WWOX: variants seen among roughly 807,000 people sequenced by gnomAD.
WWOX encodes WW domain-containing oxidoreductase.
Under a neutral mutation model 46.2 loss-of-function variants are expected in WWOX, and 69 were observed. The ratio of observed to expected loss-of-function variants is 1.49; its 90% CI spans 1.23 to 1.82. WWOX has a LOEUF of 1.82. Ranked by LOEUF, WWOX falls within the 40% of genes most tolerant of loss-of-function variation. The pLI is 0.00. For synonymous variants in WWOX, 359 were observed against 202.6 expected, an observed-to-expected ratio of 1.77 and a Z score of -6.56; for missense variants, 919 against 542.6, an observed-to-expected ratio of 1.69 and a Z score of -6.89.
intron 8 of WWOX, among the ~76,000 whole-genome samples, chr16:79,152,583 A>G (rs2050302144): frequency 1.3e-5 from 2 of 151,870 alleles, no homozygotes. Flanking sequence ...AGGCAGGAGA[A>G]TCGCTTGAAC....
intron 8 of WWOX, among the ~76,000 whole-genome samples, chr16:78,712,996 G>C (rs72799073): frequency 1.3e-5 from 2 of 152,066 alleles, no homozygotes; most frequent in African/African-American, 4.8e-5. Flanking sequence ...CAGGCCTGGT[G>C]TAGTGGCTCA....
At chr16:78,285,998 C>T (rs1169674866) in intron 5 of WWOX, among the ~76,000 whole-genome samples, 1 of 152,176 alleles carries the variant, frequency 6.6e-6, no homozygotes, top group Admixed American at 6.5e-5. Flanking sequence ...CGTCTCTGCC[C>T]ACTCTTTTGC....
chr16:78,832,673 C>T (rs1385560895), intron 8 of WWOX, among the ~76,000 whole-genome samples: 2 of 152,102 alleles, frequency 1.3e-5, no homozygotes, highest in Non-Finnish European at 2.9e-5. Flanking sequence ...AATCCATGTC[C>T]TGTGGTGGCC....
chr16:78,370,984 T>TC (rs2081668129), intron 5 of WWOX, among the ~76,000 whole-genome samples: 1 of 150,808 alleles, frequency 6.6e-6, no homozygotes, highest in African/African-American at 2.4e-5. Context: ...TGATTTCTTT[T>TC]TTTTTTTTTT....
intron 8 of WWOX, among the ~76,000 whole-genome samples, chr16:78,682,437 G>A (rs187782562): frequency 1.3e-5 from 2 of 152,080 alleles, no homozygotes; most frequent in African/African-American, 2.4e-5. Flanking sequence ...TCCTTTAGCC[G>A]GGTCTGGTGG....
chr16:79,120,027 C>T (rs925448104), intron 8 of WWOX, among the ~76,000 whole-genome samples: 2 of 152,080 alleles, frequency 1.3e-5, no homozygotes, highest in East Asian at 1.9e-4. Flanking sequence ...GCCCAGTGGC[C>T]GTGGCCTGGG....
chr16:78,417,000 G>T (rs2082812222), intron 6 of WWOX, among the ~76,000 whole-genome samples: 1 of 150,778 alleles, frequency 6.6e-6, no homozygotes, highest in Admixed American at 6.6e-5. Context: ...TAAGACAGAA[G>T]GTATTGTGCA....
At chr16:78,852,534 T>G (rs2052472346) in intron 8 of WWOX, among the ~76,000 whole-genome samples, 1 of 152,108 alleles carries the variant, frequency 6.6e-6, no homozygotes, top group South Asian at 2.1e-4. Context: ...CCCTTTAAAC[T>G]TTTGGATGAC....
At chr16:78,751,653 C>T (rs1031414075) in intron 8 of WWOX, among the ~76,000 whole-genome samples, 2 of 151,332 alleles carry the variant, frequency 1.3e-5, no homozygotes, top group Non-Finnish European at 1.5e-5. Flanking sequence ...TGATATTAAA[C>T]AATACTCCAA....
At chr16:78,675,867 A>G (rs2047585981) in intron 8 of WWOX, among the ~76,000 whole-genome samples, 1 of 152,136 alleles carries the variant, frequency 6.6e-6, no homozygotes, top group Non-Finnish European at 1.5e-5. Flanking sequence ...TTTTCTGATC[A>G]TACCTGTGGC....
chr16:79,104,041 G>GGA (rs1555528235), intron 8 of WWOX, among the ~76,000 whole-genome samples: 1 of 65,482 alleles, frequency 1.5e-5, no homozygotes, highest in Non-Finnish European at 2.8e-5. Flanking sequence ...CTTTTTTGGG[G>GGA]GGGGGGGGGC....
At chr16:79,081,953 A>G (rs1311880437) in intron 8 of WWOX, among the ~76,000 whole-genome samples, 2 of 152,282 alleles carry the variant, frequency 1.3e-5, no homozygotes, top group East Asian at 3.9e-4. Context: ...CTTAACTGCA[A>G]AGGGGTGGTT....
intron 8 of WWOX, among the ~76,000 whole-genome samples, chr16:78,712,500 T>TA (rs558436380): frequency 0.024 from 3,347 of 138,572 alleles, 49 homozygotes; most frequent in South Asian, 0.042. Context: ...GACTCCATCT[T>TA]AAAAAAAAAA....
rs543680700 is a variant in WWOX, at chr16:78,391,565, T to C, written c.605+4617T>C. On this transcript the variant is annotated intron_variant, in intron 6 of 8. Transcript: ENST00000566780. ...TGTATTGCCGAGTAAGAAATGACTC[T>C]GGCCAGGCACGGTGGCTCACACATG... Among the ~76,000 whole-genome samples the C allele has an allele frequency of 4.9e-4, 75 of 152,316 alleles. 2 individuals are homozygous for C. Among genetic ancestry groups the C allele is most frequent in the South Asian group, 8.3e-4 (4 of 4,830 alleles).
intron 8 of WWOX, among the ~76,000 whole-genome samples, chr16:78,590,314 C>T (rs1019038353): frequency 6.6e-6 from 1 of 152,060 alleles, no homozygotes; most frequent in Non-Finnish European, 1.5e-5. Context: ...GTTGCTGTGT[C>T]CTTATTTGGT....
chr16:78,133,712 TA>T (rs2033688814), intron 4 of WWOX, among the ~76,000 whole-genome samples: 1 of 152,180 alleles, frequency 6.6e-6, no homozygotes, highest in African/African-American at 2.4e-5. Flanking sequence ...AATTTCAAAT[TA>T]ACCCCTGAGG....
At chr16:78,295,680 C>T (rs1047019124) in intron 5 of WWOX, among the ~76,000 whole-genome samples, 2 of 152,036 alleles carry the variant, frequency 1.3e-5, no homozygotes, top group African/African-American at 2.4e-5. Flanking sequence ...CACTGGACTC[C>T]GGCCTGGGTG....
At chr16:79,183,463 A>T (rs1312291237) in intron 8 of WWOX, among the ~76,000 whole-genome samples, 1 of 152,122 alleles carries the variant, frequency 6.6e-6, no homozygotes, top group African/African-American at 2.4e-5. Flanking sequence ...AAAGAGATTA[A>T]ATGTCTTATT....
At chr16:79,135,089 T>G (rs2049957586) in intron 8 of WWOX, among the ~76,000 whole-genome samples, 2 of 152,236 alleles carry the variant, frequency 1.3e-5, no homozygotes, top group Admixed American at 6.5e-5. Context: ...TGTTTTTCAC[T>G]GTGGCTTGAA....
Sources: allele counts gnomAD v4.1 joint callset (sites outside exome capture counted in the v4.1 genomes callset), GRCh38; gene constraint gnomAD v4.1.1; transcripts MANE v1.5; gene names NCBI Gene and HGNC (gene_info 2026-07-23, HGNC 2026-07-21).